SATB2: variants seen among roughly 807,000 people sequenced by gnomAD.
The protein encoded by SATB2 is DNA-binding protein SATB2.
SATB2 carries 1 observed loss-of-function variant against 73.4 expected under a neutral mutation model. The observed-to-expected ratio is 0.01, with a 90% CI of 0.00 to 0.06. The LOEUF (loss-of-function observed/expected upper bound fraction) is 0.06. Among genes scored for constraint, SATB2 ranks in the 10% least tolerant of loss-of-function variants. SATB2 has a pLI of 1.00. For synonymous variants in SATB2, 397 were observed against 367.0 expected (o/e 1.08, Z -0.93); for missense variants, 459 against 945.8 (o/e 0.49, Z 6.75).
chr2:199,354,575 G>A (rs1033273347), intron 6 of SATB2, among the ~76,000 whole-genome samples: 16 of 152,128 alleles, frequency 1.1e-4, no homozygotes, highest in South Asian at 4.1e-4. Flanking sequence ...AGGCTCAAAT[G>A]CTTCTACGTC....
At chr2:199,330,265 C>T (rs189242818) in intron 7 of SATB2, among the ~76,000 whole-genome samples, 1 of 152,254 alleles carries the variant, frequency 6.6e-6, no homozygotes, top group African/African-American at 2.4e-5. Context: ...GAAGCAAATG[C>T]CAGTTATAGG....
chr2:199,452,844 C>T (rs912991263), intron 2 of SATB2, among the ~76,000 whole-genome samples: 1 of 151,978 alleles, frequency 6.6e-6, no homozygotes, highest in South Asian at 2.1e-4. Flanking sequence ...TTATTACATA[C>T]ATGCTTTAAA....
rs2105823140 is a variant in SATB2 at position 199,348,891 on chromosome 2, G to T, written c.983C>A (p.Ala328Asp). The T allele has an allele frequency of 6.2e-7, 1 of 1,614,184 alleles. No individual in the cohort carries two copies. The highest frequency in any genetic ancestry group is 8.5e-7 in the Non-Finnish European group (1 of 1,180,016). The change falls in exon 7 of 11, where the codon GCT becomes GAT. Residue 328 changes from alanine (A) to aspartate (D), a missense_variant. Coordinates refer to ENST00000417098, the MANE Select transcript of SATB2 (RefSeq NM_001172509.2). ...NQQIAVSRLL[A>D]HQHPQAINQQ... ...GTTGATGGCTTGAGGATGCTGGTGAGCCAGGAGCCGGCTAACGGCAATCTG... is the reference window on the plus strand; with the variant it reads ...GTTGATGGCTTGAGGATGCTGGTGATCCAGGAGCCGGCTAACGGCAATCTG...
chr2:199,296,723 A>G (rs920512980), intron 10 of SATB2, among the ~76,000 whole-genome samples: 6 of 152,106 alleles, frequency 3.9e-5, no homozygotes, highest in African/African-American at 1.4e-4. Context: ...AACAAAAGAA[A>G]ACAAAACAGT....
intron 2 of SATB2, among the ~76,000 whole-genome samples, chr2:199,446,164 C>T (rs1193972849): frequency 1.3e-5 from 2 of 152,098 alleles, no homozygotes; most frequent in Non-Finnish European, 2.9e-5. Flanking sequence ...TGTCTCTCAG[C>T]TTCTAATAAA....
intron 7 of SATB2, among the ~76,000 whole-genome samples, chr2:199,345,626 C>T (rs916031247): frequency 6.6e-6 from 1 of 152,086 alleles, no homozygotes; most frequent in Non-Finnish European, 1.5e-5. Flanking sequence ...AGTTCTATTC[C>T]TCTCTTTATC....
chr2:199,450,857 T>C (rs925875253), intron 2 of SATB2, among the ~76,000 whole-genome samples: 2 of 152,078 alleles, frequency 1.3e-5, no homozygotes, highest in African/African-American at 4.8e-5. Flanking sequence ...TCCGTATACT[T>C]AAAATGACTC....
At chr2:199,354,980 T>C (rs1489271598) in intron 6 of SATB2, among the ~76,000 whole-genome samples, 1 of 152,098 alleles carries the variant, frequency 6.6e-6, no homozygotes, top group Non-Finnish European at 1.5e-5. Flanking sequence ...GATGAGAAAC[T>C]TATATTCCTC....
intron 2 of SATB2, among the ~76,000 whole-genome samples, chr2:199,434,342 T>G (rs1021598351): frequency 2.0e-5 from 3 of 152,246 alleles, no homozygotes; most frequent in South Asian, 2.1e-4. Flanking sequence ...TTAGTCTAGT[T>G]GAAAATCTGT....
At chr2:199,394,113 A>G (rs1393258448) in intron 3 of SATB2, among the ~76,000 whole-genome samples, 2 of 152,214 alleles carry the variant, frequency 1.3e-5, no homozygotes, top group East Asian at 3.8e-4. Context: ...TCATTAGGAC[A>G]CGATACTCTC....
At chr2:199,303,263 C>T (rs1425871273) in intron 10 of SATB2, among the ~76,000 whole-genome samples, 2 of 152,118 alleles carry the variant, frequency 1.3e-5, no homozygotes, top group East Asian at 3.9e-4. Context: ...CCAACCACCC[C>T]TTTGGTTGTT....
At chr2:199,290,017 T>C (rs958218285) in intron 10 of SATB2, among the ~76,000 whole-genome samples, 1 of 152,236 alleles carries the variant, frequency 6.6e-6, no homozygotes, top group Admixed American at 6.5e-5. Flanking sequence ...TCTAGGCCTC[T>C]TCTGTGTACA....
At position 199,272,481 on chromosome 2, in the gene SATB2, G is replaced by A. The variant is rs1488028066; in HGVS notation, c.1932C>T (p.Ala644=). 1.2e-6 allele frequency: 2 copies of A among 1,614,028 alleles called. No homozygotes were observed. The highest frequency in any genetic ancestry group is 1.7e-6 in the Non-Finnish European group (2 of 1,180,024). The change falls in exon 11 of 11, where the codon GCC becomes GCT. Residue 644 remains alanine, a synonymous_variant. Transcript: ENST00000417098. The surrounding 1 kb of genome is among the most constrained non-coding windows in gnomAD (Gnocchi z 6.7). ...HDVGLYPDQE[A]IHTLSAQLDL... ...CCAGCTGAGCCGAAAGAGTGTGGAT[G>A]GCTTCCTGGTCTGGGTACAGGCCTA...
intron 3 of SATB2, among the ~76,000 whole-genome samples, chr2:199,392,273 A>G (rs971043226): frequency 1.3e-5 from 2 of 151,886 alleles, no homozygotes; most frequent in Non-Finnish European, 2.9e-5. Context: ...CCTTCAATTC[A>G]CTGGCAAATC....
intron 10 of SATB2, among the ~76,000 whole-genome samples, chr2:199,288,701 G>A (rs1018889489): frequency 2.0e-5 from 3 of 151,968 alleles, no homozygotes; most frequent in Non-Finnish European, 2.9e-5. Flanking sequence ...ACACATAAAA[G>A]TACAAATATT....
At chr2:199,443,894 G>T (rs1411519024) in intron 2 of SATB2, among the ~76,000 whole-genome samples, 1 of 152,184 alleles carries the variant, frequency 6.6e-6, no homozygotes, top group Non-Finnish European at 1.5e-5. Flanking sequence ...CCCCTTAGGG[G>T]ATCTGACTGA....
chr2:199,283,349 C>T (rs1408928697), intron 10 of SATB2, among the ~76,000 whole-genome samples: 1 of 151,366 alleles, frequency 6.6e-6, no homozygotes, highest in Non-Finnish European at 1.5e-5. Context: ...CTCTGCCTCC[C>T]AAAGTGCTGG....
intron 6 of SATB2, 27 bp downstream of exon 6, chr2:199,368,578 G>C: frequency 3.8e-6 from 5 of 1,299,060 alleles, no homozygotes; most frequent in Non-Finnish European, 5.6e-6. Context: ...CTGAAAACAG[G>C]CTTTACAAAC....
chr2:199,306,321 G>A (rs1574489887), intron 10 of SATB2, among the ~76,000 whole-genome samples: 3 of 152,036 alleles, frequency 2.0e-5, no homozygotes, highest in East Asian at 1.9e-4. Flanking sequence ...TAAATTCAAC[G>A]TTGCAAAGCA....
Sources: gnomAD v4.1 joint callset for allele counts (sites outside exome capture counted in the v4.1 genomes callset) on GRCh38, gnomAD v4.1.1 for gene constraint, Gnocchi (gnomAD v3.1) non-coding constraint, MANE v1.5 for transcripts, NCBI Gene and HGNC (gene_info 2026-07-23, HGNC 2026-07-21) for gene names.